NCKAP1: variants seen among roughly 807,000 people sequenced by gnomAD.
NCKAP1 encodes NCK associated protein 1, also known as nck-associated protein 1.
A neutral mutation model predicts 151.2 loss-of-function variants in NCKAP1; 21 were observed. The ratio of observed to expected loss-of-function variants is 0.14; its 90% CI spans 0.10 to 0.20. The LOEUF is 0.20. NCKAP1 is among the 10% of genes least tolerant of loss of function. The pLI is 1.00. For missense variants in NCKAP1, 933 were observed against 1,352.1 expected, an observed-to-expected ratio of 0.69 and a Z score of 4.86; for synonymous variants, 484 against 451.8, an observed-to-expected ratio of 1.07 and a Z score of -0.90.
At chr2:183,031,649 C>T (rs1366840800) in intron 1 of NCKAP1, among the ~76,000 whole-genome samples, 2 of 152,202 alleles carry the variant, frequency 1.3e-5, no homozygotes, top group African/African-American at 4.8e-5. Context: ...ACAACAGCCA[C>T]CATTTCCTCA....
Position 183,002,276 on chromosome 2 carries a change from GA to G in NCKAP1, c.370-8del, listed in dbSNP as rs60075498. The G allele has an allele frequency of 7.8e-5, 113 of 1,451,532 alleles. No homozygotes were observed. The highest frequency in any genetic ancestry group is 2.6e-4 in the East Asian group (11 of 43,008). The allele number at this position is 1,451,532 out of a possible 1,614,324, so 89.9% of individuals were successfully genotyped here. A position where few individuals can be genotyped will look rare whatever the true frequency, so the allele number is the denominator to read the frequency against. On this transcript the variant is annotated splice_polypyrimidine_tract_variant and splice_region_variant and intron_variant, in intron 4 of 30. Coordinates refer to ENST00000361354, the MANE Select transcript of NCKAP1 (RefSeq NM_013436.5). ...TTAAATCAAAGTTTACAGTCTAGGA[GA>G]AAAAAAAATCAAGTTCAACTACTTC...
chr2:182,924,143 CT>C lies in NCKAP1; in HGVS notation c.*1558del, dbSNP rs1696596381. The C allele has an allele frequency of 6.6e-6, 1 of 152,128 alleles. No individual in the cohort carries two copies. Among genetic ancestry groups the C allele is most frequent in the African/African-American group, 2.4e-5 (1 of 41,452 alleles). 9.4% of individuals were successfully genotyped at this position (152,128 alleles called of 1,614,324 possible). On this transcript the variant is annotated 3_prime_UTR_variant, in exon 31 of 31. Coordinates refer to ENST00000361354, the MANE Select transcript of NCKAP1 (RefSeq NM_013436.5). ...TTTAAAATTTCCCTTTTTAAAAAAT[CT>C]TTATGGAACAAGTACAATTTTTCGA...
intron 8 of NCKAP1, 80 bp from the exon 9 acceptor site, chr2:182,989,266 T>C (rs1295189716): frequency 1.8e-6 from 2 of 1,123,578 alleles, no homozygotes; most frequent in African/African-American, 1.6e-5. Context: ...TTTTGAAAAA[T>C]ACAGAAACGT....
In NCKAP1 at chr2:182,928,899, T is replaced by C. The variant is rs1258564377; in HGVS notation, c.2954A>G (p.Glu985Gly). ...ATACTCTTCTTCTGGACTAATGTTT[T>C]CTAAGAGACAAAAATTAAGAATAAA... The part of the protein sequence containing the change: ...LVVALSSQKS[E>G]NISPEEEYKI... Residue 985 changes from glutamate (E) to glycine (G), a missense_variant and splice_region_variant, in exon 28 of 31, where the codon GAA (glutamate) becomes GGA (glycine). Transcript: ENST00000361354. 6.4e-7 allele frequency: 1 copy of C among 1,569,594 alleles called. No individual in the cohort carries two copies. The highest frequency in any genetic ancestry group is 1.1e-5 in the South Asian group (1 of 87,980).
At chr2:183,020,464 C>CA (rs1179083096) in intron 2 of NCKAP1, among the ~76,000 whole-genome samples, 4,899 of 70,220 alleles carry the variant, frequency 0.07, 61 homozygotes, top group Non-Finnish European at 0.082. Context: ...GACCGTGTCC[C>CA]AAAAAAAAAA....
Position 182,989,200 on chromosome 2 carries a change from GA to G in NCKAP1, c.791-15del. ...AAATAAAGCCAACTTTAAATAAAAA[GA>G]AAGCAAATACAAATGTAAATGTACA... On this transcript the variant is annotated splice_polypyrimidine_tract_variant and intron_variant, in intron 8 of 30. Transcript: ENST00000361354. The G allele has an allele frequency of 6.4e-7, 1 of 1,572,972 alleles. No individual in the cohort carries two copies. The highest frequency in any genetic ancestry group is 1.2e-5 in the South Asian group (1 of 84,660).
intron 24 of NCKAP1, among the ~76,000 whole-genome samples, chr2:182,939,104 T>C (rs969463604): frequency 1.3e-5 from 2 of 152,176 alleles, no homozygotes; most frequent in Non-Finnish European, 1.5e-5. Context: ...GTAGGAAAAC[T>C]AGAAATATTT....
chr2:182,928,067 TTA>T, intron 29 of NCKAP1, 48 bp downstream of exon 29: 1 of 1,335,640 alleles, frequency 7.5e-7, no homozygotes, highest in Non-Finnish European at 1.0e-6. Flanking sequence ...GTTGTGAATT[TTA>T]GTTTTCTTTA....
chr2:183,012,779 AT>A (rs58239552), intron 2 of NCKAP1, among the ~76,000 whole-genome samples: 2,088 of 127,768 alleles, frequency 0.016, 30 homozygotes, highest in East Asian at 0.053. Context: ...ACACCTGGCT[AT>A]TTTTTTTTTT....
At chr2:182,952,627 TGAAA>T (rs1238360990) in intron 22 of NCKAP1, 125 bp from the exon 23 acceptor site, 33 of 1,083,038 alleles carry the variant, frequency 3.0e-5, no homozygotes, top group Non-Finnish European at 3.8e-5. Flanking sequence ...GTCTCTAGAG[TGAAA>T]GAGAGAATAC....
intron 23 of NCKAP1, among the ~76,000 whole-genome samples, chr2:182,942,794 C>T (rs1443804325): frequency 6.6e-6 from 1 of 151,744 alleles, no homozygotes; most frequent in African/African-American, 2.4e-5. Context: ...AAAAGTATAA[C>T]TCATTGAAGA....
rs544295312 is a variant in NCKAP1 at position 182,975,579 on chromosome 2, A to C, written c.1482+1314T>G. Among the ~76,000 whole-genome samples the C allele has an allele frequency of 1.1e-3, 160 of 152,304 alleles. 1 individual carries two copies. Among genetic ancestry groups the C allele is most frequent in the African/African-American group, 3.7e-3 (154 of 41,564 alleles). On this transcript the variant is annotated intron_variant, in intron 15 of 30. Transcript: ENST00000361354. ...ATACTTCTTATATTTTCTCTTTTTA[A>C]TTAAACAAATAGAAATTTTATTTAT... is the stretch of plus-strand genomic sequence containing the variant.
At chr2:183,019,998 A>G (rs1279126692) in intron 2 of NCKAP1, among the ~76,000 whole-genome samples, 4 of 152,144 alleles carry the variant, frequency 2.6e-5, no homozygotes, top group African/African-American at 9.7e-5. Flanking sequence ...TGCATATCAA[A>G]TAACTATGTG....
intron 2 of NCKAP1, 50 bp from the exon 3 acceptor site, chr2:183,003,375 A>C: frequency 9.5e-7 from 1 of 1,056,020 alleles, no homozygotes; most frequent in Non-Finnish European, 1.4e-6. Flanking sequence ...AAAAGTATTT[A>C]ATTTTACTAC....
rs2105786639 is a variant in NCKAP1 at position 182,914,726 on chromosome 2, T to C, written c.*10976A>G. 6.6e-6 allele frequency: 1 copy of C among 152,236 alleles called. No individual in the cohort carries two copies. Among genetic ancestry groups the C allele is most frequent in the Middle Eastern group, 3.4e-3 (1 of 294 alleles). The allele number at this position is 152,236 out of a possible 1,614,324, so 9.4% of individuals were successfully genotyped here. On this transcript the variant is annotated 3_prime_UTR_variant, in exon 31 of 31. Transcript: ENST00000361354. The stretch of plus-strand genomic sequence containing the variant: ...AAGGAACAAATTCCCCTCTAATAAA[T>C]TACCCCCACAGAAAATATGCTGTGA...
intron 1 of NCKAP1, among the ~76,000 whole-genome samples, chr2:183,033,536 G>C (rs1699045331): frequency 6.6e-6 from 1 of 152,142 alleles, no homozygotes; most frequent in Non-Finnish European, 1.5e-5. Context: ...CTTGGCACTA[G>C]AGACTTCATC....
intron 6 of NCKAP1, among the ~76,000 whole-genome samples, chr2:183,000,956 G>A (rs915804725): frequency 3.3e-5 from 5 of 152,092 alleles, no homozygotes; most frequent in South Asian, 2.1e-4. Context: ...TTAGCCAGGC[G>A]TGGTAGTGCA....
chr2:182,909,263 C>T lies in NCKAP1; in HGVS notation c.*16439G>A, dbSNP rs1575003148. On this transcript the variant is annotated 3_prime_UTR_variant, in exon 31 of 31. Coordinates refer to ENST00000361354, the MANE Select transcript of NCKAP1 (RefSeq NM_013436.5). Reference sequence around the variant, plus strand: ...ACAGTTCTGTGGCATTAAGTACATTCATGTTGCTGTGCAACAACCACCATC... The same window carrying T: ...ACAGTTCTGTGGCATTAAGTACATTTATGTTGCTGTGCAACAACCACCATC... 1 of 152,208 alleles carries T rather than the reference C, an allele frequency of 6.6e-6. No individual in the cohort carries two copies. Among genetic ancestry groups the T allele is most frequent in the East Asian group, 1.9e-4 (1 of 5,200 alleles). 9.4% of individuals were successfully genotyped at this position (152,208 alleles called of 1,614,324 possible). A position where few individuals can be genotyped will look rare whatever the true frequency, so the allele number is the denominator to read the frequency against.
At chr2:182,979,562 G>A (rs748873729) in intron 13 of NCKAP1, among the ~76,000 whole-genome samples, 10 of 151,996 alleles carry the variant, frequency 6.6e-5, no homozygotes, top group Admixed American at 1.3e-4. Flanking sequence ...TTTATGATGC[G>A]AGTGAACTGT....
Sources: allele counts gnomAD v4.1 joint callset (sites outside exome capture counted in the v4.1 genomes callset), GRCh38; gene constraint gnomAD v4.1.1; transcripts MANE v1.5; gene names NCBI Gene and HGNC (gene_info 2026-07-23, HGNC 2026-07-21).